The following GSE1 variants were observed in gnomAD, a reference collection of about 807,000 sequenced individuals.
GSE1 encodes Gse1 coiled-coil protein, also known as genetic suppressor element 1.
In GSE1, 32 loss-of-function variants were observed where a neutral mutation model predicts 112.6. The observed-to-expected ratio is 0.28, with a 90% confidence interval of 0.21 to 0.38. GSE1 has a LOEUF of 0.38. GSE1 is among the 10% of genes least tolerant of loss of function. GSE1 has a pLI of 1.00. For synonymous variants in GSE1, 1,115 were observed against 735.6 expected (o/e 1.52, Z -8.35); for missense variants, 2,348 against 1,699.2 (o/e 1.38, Z -6.71).
chr16:85,517,279 C>T (rs941645798), intron 2 of GSE1, among the ~76,000 whole-genome samples: 3 of 152,082 alleles, frequency 2.0e-5, no homozygotes, highest in Admixed American at 6.5e-5. Context: ...TGAGGACACA[C>T]GCAGGGGCCT....
chr16:85,661,355 A>G lies in GSE1; in HGVS notation c.1850A>G (p.Gln617Arg). The G allele has an allele frequency of 1.9e-6, 3 of 1,612,182 alleles. No homozygotes were observed. Among genetic ancestry groups the G allele is most frequent in the Non-Finnish European group, 2.5e-6 (3 of 1,179,586 alleles). ...SHPAAFEPSRQAAVPLVKVER... is the reference protein window; with the variant it reads ...SHPAAFEPSRRAAVPLVKVER... ...CCGGCTGCATTTGAGCCCAGCCGCCAGGCAGCCGTGCCGCTGGTGAAGGTG... is the reference window on the plus strand; with the variant it reads ...CCGGCTGCATTTGAGCCCAGCCGCCGGGCAGCCGTGCCGCTGGTGAAGGTG... The change falls in exon 9 of 16, where the codon CAG (glutamine) becomes CGG (arginine). Residue 617 changes from glutamine (Q) to arginine (R), a missense_variant. Physicochemically the swap from Gln to Arg is conservative, Grantham distance 43 (BLOSUM62 1). Transcript: ENST00000253458.
At chr16:85,588,607 A>G (rs1021344847) in intron 1 of GSE1, among the ~76,000 whole-genome samples, 7 of 152,230 alleles carry the variant, frequency 4.6e-5, no homozygotes, top group African/African-American at 1.7e-4. Flanking sequence ...CTCGGGATTG[A>G]TAGGCCCTGT....
intron 2 of GSE1, among the ~76,000 whole-genome samples, chr16:85,414,923 A>T (rs7403915): frequency 0.45 from 68,164 of 152,070 alleles, 16,404 homozygotes; most frequent in East Asian, 0.64. Flanking sequence ...GGCATGAGCC[A>T]CCGTGCCCAG....
chr16:85,519,610 TCACCATCACCAC>T (rs1263340612), intron 2 of GSE1, among the ~76,000 whole-genome samples: 1 of 138,834 alleles, frequency 7.2e-6, no homozygotes, highest in African/African-American at 2.9e-5. Context: ...ACCACCATCA[TCACCATCACCAC>T]CACCATCACC....
At chr16:85,588,794 T>C (rs376836331) in intron 1 of GSE1, among the ~76,000 whole-genome samples, 6 of 152,216 alleles carry the variant, frequency 3.9e-5, no homozygotes, top group African/African-American at 1.4e-4. Context: ...CCGGGGACGC[T>C]GGAGGGCTGA....
chr16:85,616,706 G>C (rs1317683580), intron 1 of GSE1, among the ~76,000 whole-genome samples: 1 of 152,132 alleles, frequency 6.6e-6, no homozygotes, highest in Non-Finnish European at 1.5e-5. Flanking sequence ...CCCCAGTGGA[G>C]TCTCAGATCT....
At chr16:85,430,934 G>A (rs2049105150) in intron 2 of GSE1, among the ~76,000 whole-genome samples, 1 of 152,222 alleles carries the variant, frequency 6.6e-6, no homozygotes, top group Non-Finnish European at 1.5e-5. Flanking sequence ...CCCAGGAGAG[G>A]CTGCCGCTGC....
rs1567693479 is a variant in GSE1, at chr16:85,331,699, A to T, written c.2284-25764A>T. ...TGTGTGTGTGTGTATATATATATAT[A>T]TATATATATTTTTTTTTTTTTTTTT... On this transcript the variant is annotated intron_variant, in intron 1 of 2. Transcript: ENST00000637419. Among the ~76,000 whole-genome samples, 28 of 59,334 alleles carry T rather than the reference A, an allele frequency of 4.7e-4. 3 individuals carry two copies. The highest frequency in any genetic ancestry group is 1.5e-3 in the African/African-American group (26 of 17,334). The allele number at this position is 59,334 out of a possible 152,430, so 38.9% of individuals were successfully genotyped here. A position where few individuals can be genotyped will look rare whatever the true frequency, so the allele number is the denominator to read the frequency against.
At chr16:85,555,951 C>G (rs540640917), upstream of GSE1, 1 of 984,514 alleles carries the variant, frequency 1.0e-6, no homozygotes, top group Non-Finnish European at 1.2e-6. Context: ...CGCGCTCCCC[C>G]CTCCTTTTTT....
chr16:85,616,244 G>C (rs1420600866), intron 1 of GSE1, among the ~76,000 whole-genome samples: 1 of 152,240 alleles, frequency 6.6e-6, no homozygotes, highest in African/African-American at 2.4e-5. Flanking sequence ...CCCCTGCTCT[G>C]AAGGAGGCGG....
chr16:85,487,227 C>A (rs1373656234), intron 2 of GSE1, among the ~76,000 whole-genome samples: 2 of 152,166 alleles, frequency 1.3e-5, no homozygotes, highest in African/African-American at 4.8e-5. Flanking sequence ...CCTCACCCCC[C>A]CAGGAAAAAT....
At chr16:85,452,453 A>T (rs7186021) in intron 2 of GSE1, among the ~76,000 whole-genome samples, 2 of 152,040 alleles carry the variant, frequency 1.3e-5, no homozygotes, top group Admixed American at 1.3e-4. Context: ...GGCCATACTC[A>T]CGCAGACTTT....
At chr16:85,408,821 G>A (rs201330151) in intron 2 of GSE1, among the ~76,000 whole-genome samples, 2 of 51,132 alleles carry the variant, frequency 3.9e-5, no homozygotes, top group East Asian at 7.6e-4. Flanking sequence ...AGGGCCCCCC[G>A]GATAATCCTC....
chr16:85,520,428 A>AT (rs376118011), intron 2 of GSE1, among the ~76,000 whole-genome samples: 12,487 of 142,648 alleles, frequency 0.088, 676 homozygotes, highest in Non-Finnish European at 0.13. Context: ...CCCTGCTCCT[A>AT]TTTTTTTTTT....
intron 2 of GSE1, among the ~76,000 whole-genome samples, chr16:85,484,252 C>T (rs1488924292): frequency 6.6e-6 from 1 of 152,244 alleles, no homozygotes; most frequent in Non-Finnish European, 1.5e-5. Context: ...CTGCCTTTCT[C>T]CTCCGCGGGT....
chr16:85,575,405 C>T (rs2046187708), intron 1 of GSE1, among the ~76,000 whole-genome samples: 2 of 152,146 alleles, frequency 1.3e-5, no homozygotes, highest in African/African-American at 2.4e-5. Flanking sequence ...TTAAGGATGC[C>T]GTTAAAATAC....
chr16:85,616,576 T>G (rs1216307838), intron 1 of GSE1, among the ~76,000 whole-genome samples: 1 of 152,188 alleles, frequency 6.6e-6, no homozygotes, highest in Non-Finnish European at 1.5e-5. Context: ...CCACAGGGCT[T>G]CCCCTCCCTT....
At chr16:85,407,931 GCC>G in intron 2 of GSE1, among the ~76,000 whole-genome samples, 1 of 51,136 alleles carries the variant, frequency 2.0e-5, no homozygotes. Flanking sequence ...TTACTCTCAG[GCC>G]CCCCTGGATA....
chr16:85,491,867 G>C (rs80289073), intron 2 of GSE1, among the ~76,000 whole-genome samples: 8,274 of 152,258 alleles, frequency 0.054, 523 homozygotes, highest in East Asian at 0.36. Flanking sequence ...AGGTCAGCCA[G>C]GGGGTGGCTG....
Sources: gnomAD v4.1 joint callset for allele counts (sites outside exome capture counted in the v4.1 genomes callset) on GRCh38, gnomAD v4.1.1 for gene constraint, MANE v1.5 for transcripts, NCBI Gene and HGNC (gene_info 2026-07-23, HGNC 2026-07-21) for gene names.